Variants in GRM8 observed in about 807,000 individuals in gnomAD.
GRM8 encodes the protein glutamate metabotropic receptor 8.
Under a neutral mutation model 87.2 loss-of-function variants are expected in GRM8, and 47 were observed. The ratio of observed to expected loss-of-function variants is 0.54; its 90% CI spans 0.43 to 0.69. The LOEUF (loss-of-function observed/expected upper bound fraction) is 0.69. Among genes scored for constraint, GRM8 ranks in the 30% least tolerant of loss-of-function variants. The pLI is 0.00. For missense variants in GRM8, 1,019 were observed against 1,139.2 expected (o/e 0.89, Z 1.52); for synonymous variants, 396 against 404.5 (o/e 0.98, Z 0.25).
chr7:127,024,694 T>G lies in GRM8; in HGVS notation c.727+81802A>C, dbSNP rs145617104. ...CCCTGACCTCATCACATATCAGGTCTTCCCTCCTTCGAGTCACACTGGACT... is the reference window on the plus strand; with the variant it reads ...CCCTGACCTCATCACATATCAGGTCGTCCCTCCTTCGAGTCACACTGGACT... On this transcript the variant is annotated intron_variant, in intron 3 of 10. Transcript: ENST00000339582. Among the ~76,000 whole-genome samples, 39 of 152,184 alleles carry G rather than the reference T, an allele frequency of 2.6e-4. No homozygotes were observed. In the Middle Eastern group the frequency reaches 0.014, roughly 53 times the overall value.
intron 3 of GRM8, among the ~76,000 whole-genome samples, chr7:126,999,120 G>T (rs935067956): frequency 1.3e-5 from 2 of 151,354 alleles, no homozygotes; most frequent in African/African-American, 2.4e-5. Context: ...CAACAAAGCT[G>T]CCAAGAACAT....
At chr7:126,999,180 T>C (rs568704881) in intron 3 of GRM8, among the ~76,000 whole-genome samples, 1 of 152,068 alleles carries the variant, frequency 6.6e-6, no homozygotes, top group African/African-American at 2.4e-5. Flanking sequence ...GAAAAGTGGA[T>C]ATCCATATGC....
intron 3 of GRM8, among the ~76,000 whole-genome samples, chr7:127,033,719 T>C (rs548323778): frequency 6.6e-6 from 1 of 152,270 alleles, no homozygotes; most frequent in African/African-American, 2.4e-5. Flanking sequence ...AACCTTTAGA[T>C]AGAAGGGACT....
intron 6 of GRM8, among the ~76,000 whole-genome samples, chr7:126,771,279 T>C (rs978267203): frequency 1.3e-5 from 2 of 151,598 alleles, no homozygotes; most frequent in African/African-American, 4.9e-5. Flanking sequence ...AAAATAGTGG[T>C]CAGTTTATTT....
At chr7:126,785,445 T>A (rs1820526063) in intron 6 of GRM8, among the ~76,000 whole-genome samples, 1 of 152,124 alleles carries the variant, frequency 6.6e-6, no homozygotes, top group Non-Finnish European at 1.5e-5. Flanking sequence ...ACTTCTTACA[T>A]GGTATTAGAA....
intron 7 of GRM8, among the ~76,000 whole-genome samples, chr7:126,686,915 A>G (rs1349833410): frequency 1.3e-5 from 2 of 152,256 alleles, no homozygotes; most frequent in Non-Finnish European, 2.9e-5. Flanking sequence ...AAACCAGCCC[A>G]GGAATTATTG....
intron 6 of GRM8, chr7:126,869,996 T>C (rs1448727311): frequency 2.0e-5 from 3 of 146,754 alleles, no homozygotes; most frequent in Non-Finnish European, 4.5e-5. Context: ...ATTGAAAATC[T>C]AATGTTTAGT....
rs373082398 is a variant in GRM8, at chr7:126,535,968, A to C, written c.1495-2081T>G. 1.2e-4 allele frequency among the ~76,000 whole-genome samples: 18 copies of C among 152,330 alleles called. No homozygotes were observed. In the East Asian group the frequency reaches 2.5e-3, roughly 21 times the overall value. ...TCATGAGAGACCCTGAGCCAGGAAA[A>C]CACAGCTAACCTGTTCCTGAATTTC... On this transcript the variant is annotated intron_variant, in intron 8 of 10. Coordinates refer to ENST00000339582, the MANE Select transcript of GRM8 (RefSeq NM_000845.3).
At chr7:126,439,601 T>C (rs145640787) in intron 10 of GRM8, among the ~76,000 whole-genome samples, 2 of 152,276 alleles carry the variant, frequency 1.3e-5, no homozygotes, top group East Asian at 3.9e-4. Flanking sequence ...TACTACACTA[T>C]ACTTTTTATC....
chr7:126,986,861 C>T (rs1812124994), intron 3 of GRM8, among the ~76,000 whole-genome samples: 1 of 152,162 alleles, frequency 6.6e-6, no homozygotes, highest in African/African-American at 2.4e-5. Flanking sequence ...ATTTATTTAA[C>T]AAACATTGAT....
Position 127,243,448 on chromosome 7 carries a change from G to T in GRM8, c.-244C>A. On this transcript the variant is annotated 5_prime_UTR_variant, in exon 2 of 11. Coordinates refer to ENST00000339582, the MANE Select transcript of GRM8 (RefSeq NM_000845.3). Reference sequence around the variant, plus strand: ...GAATGGTGCAAAAATTAGAACATCTGAGGTTCTGATGTTGGGATGAGGTCA... The same window carrying T: ...GAATGGTGCAAAAATTAGAACATCTTAGGTTCTGATGTTGGGATGAGGTCA... 2.0e-6 allele frequency: 1 copy of T among 510,304 alleles called. No individual in the cohort carries two copies. Among genetic ancestry groups the T allele is most frequent in the Non-Finnish European group, 3.4e-6 (1 of 289,962 alleles). The allele number at this position is 510,304 out of a possible 1,614,324, so 31.6% of individuals were successfully genotyped here.
intron 7 of GRM8, among the ~76,000 whole-genome samples, chr7:126,641,876 T>C (rs1413833727): frequency 1.3e-5 from 2 of 152,094 alleles, no homozygotes; most frequent in African/African-American, 4.8e-5. Context: ...GTGGCAAAAT[T>C]GTTCTTTTTT....
chr7:126,686,156 G>A (rs1436133359), intron 7 of GRM8, among the ~76,000 whole-genome samples: 1 of 151,700 alleles, frequency 6.6e-6, no homozygotes, highest in Non-Finnish European at 1.5e-5. Flanking sequence ...TCTGCTGAGA[G>A]ATGAACACTC....
chr7:126,694,956 G>T (rs548395869), intron 7 of GRM8, among the ~76,000 whole-genome samples: 5 of 152,120 alleles, frequency 3.3e-5, no homozygotes, highest in Non-Finnish European at 7.4e-5. Context: ...GAAACAGAAT[G>T]TAAGTGGTCC....
At chr7:126,785,812 G>A (rs1007066436) in intron 6 of GRM8, among the ~76,000 whole-genome samples, 2 of 151,912 alleles carry the variant, frequency 1.3e-5, no homozygotes, top group African/African-American at 4.8e-5. Flanking sequence ...CACCCTTCCT[G>A]CACCACCTCC....
chr7:127,203,247 T>C (rs17862319), intron 2 of GRM8, among the ~76,000 whole-genome samples: 39,935 of 152,038 alleles, frequency 0.26, 6,272 homozygotes, highest in African/African-American at 0.44. Context: ...TACACATGGA[T>C]GTAAAAATGG....
At chr7:126,939,012 G>T (rs185214993) in intron 3 of GRM8, among the ~76,000 whole-genome samples, 1 of 152,202 alleles carries the variant, frequency 6.6e-6, no homozygotes, top group African/African-American at 2.4e-5. Flanking sequence ...AGCACTTGGG[G>T]CAATGCCCAG....
chr7:127,039,735 G>A (rs1418529883), intron 3 of GRM8, among the ~76,000 whole-genome samples: 7 of 91,856 alleles, frequency 7.6e-5, no homozygotes, highest in Non-Finnish European at 1.6e-4. Context: ...AGGGGAAGGG[G>A]AAGGACAAGA....
At chr7:126,815,539 GC>G (rs1298528078) in intron 6 of GRM8, among the ~76,000 whole-genome samples, 1 of 152,008 alleles carries the variant, frequency 6.6e-6, no homozygotes, top group Non-Finnish European at 1.5e-5. Flanking sequence ...TTTCTTGTTG[GC>G]TAGCCATGGT....
Sources: gnomAD v4.1 joint callset for allele counts (sites outside exome capture counted in the v4.1 genomes callset) on GRCh38, gnomAD v4.1.1 for gene constraint, MANE v1.5 for transcripts, NCBI Gene and HGNC (gene_info 2026-07-23, HGNC 2026-07-21) for gene names.